HDLBP: variants seen among roughly 807,000 people sequenced by gnomAD.
HDLBP encodes the protein vigilin.
In HDLBP, 30 loss-of-function variants were observed where a neutral mutation model predicts 137.3. That is an observed-to-expected ratio of 0.22 (90% CI 0.16 to 0.30). The LOEUF (loss-of-function observed/expected upper bound fraction) is 0.30. Among genes scored for constraint, HDLBP ranks in the 10% least tolerant of loss-of-function variants. The pLI is 1.00. For missense variants in HDLBP, 1,119 were observed against 1,667.3 expected, an observed-to-expected ratio of 0.67 and a Z score of 5.73; for synonymous variants, 606 against 596.0, an observed-to-expected ratio of 1.02 and a Z score of -0.24.
At position 241,233,814 on chromosome 2, in the gene HDLBP, T is replaced by G. The variant is rs752889146; in HGVS notation, c.3288+6A>C. The G allele has an allele frequency of 1.6e-5, 26 of 1,613,926 alleles. 1 individual carries two copies. The South Asian group carries it at 2.1e-4, about 13-fold the overall frequency. On this transcript the variant is annotated splice_donor_region_variant and intron_variant, in intron 24 of 27. Coordinates refer to ENST00000310931, the MANE Select transcript of HDLBP (RefSeq NM_005336.6). The surrounding 1 kb of genome is among the most constrained non-coding windows in gnomAD (Gnocchi z 4.3). ...GCCCCCGACACGCTCCAACCGAGGC[T>G]CTCACCTGGTTCCCATCGTCCTTAT...
chr2:241,236,560 G>A (rs907554775), intron 21 of HDLBP, 55 bp downstream of exon 21: 1 of 1,585,878 alleles, frequency 6.3e-7, no homozygotes, highest in South Asian at 1.1e-5. Flanking sequence ...CGTCTCCCCA[G>A]GTGCCTGCTG....
At chr2:241,264,001 A>G (rs1239877871) in intron 4 of HDLBP, among the ~76,000 whole-genome samples, 1 of 151,618 alleles carries the variant, frequency 6.6e-6, no homozygotes, top group African/African-American at 2.4e-5. Flanking sequence ...TTGCACATTC[A>G]GAAACTCTTC....
intron 1 of HDLBP, among the ~76,000 whole-genome samples, chr2:241,308,255 C>T (rs937498482): frequency 8.5e-5 from 13 of 152,148 alleles, no homozygotes; most frequent in Admixed American, 7.9e-4. Flanking sequence ...ACAACCAATC[C>T]GTCGTCCACC....
chr2:241,273,716 G>T, intron 1 of HDLBP: 2 of 958,872 alleles, frequency 2.1e-6, no homozygotes, highest in Non-Finnish European at 2.5e-6. Context: ...CCACACAGGG[G>T]AAGAGGTAGG....
intron 27 of HDLBP, 60 bp downstream of exon 27, chr2:241,229,773 C>A: frequency 6.3e-7 from 1 of 1,587,746 alleles, no homozygotes; most frequent in Non-Finnish European, 8.6e-7. Context: ...CTCAGGACAC[C>A]AAGCCCGCCT....
chr2:241,311,099 GCAAGACGCTGTGTCTCAAAAAAAAA>G (rs2075744440), intron 1 of HDLBP, among the ~76,000 whole-genome samples: 1 of 151,738 alleles, frequency 6.6e-6, no homozygotes, highest in South Asian at 2.1e-4. Flanking sequence ...GAGCAACAGA[GCAAGACGCTGTGTCTCAAAAAAAAA>G]CAAAAGAAAG....
intron 23 of HDLBP, among the ~76,000 whole-genome samples, chr2:241,234,585 G>A (rs2070178464): frequency 6.6e-6 from 1 of 152,200 alleles, no homozygotes; most frequent in Admixed American, 6.5e-5. Context: ...CAGAACCCCT[G>A]CTCCTGTCTG....
At chr2:241,278,676 G>GA (rs1575010139) in intron 1 of HDLBP, among the ~76,000 whole-genome samples, 1 of 151,950 alleles carries the variant, frequency 6.6e-6, no homozygotes, top group African/African-American at 2.4e-5. Flanking sequence ...GGCAAGAAAA[G>GA]AAAGTTACCA....
intron 16 of HDLBP, among the ~76,000 whole-genome samples, chr2:241,245,861 C>A (rs1299355018): frequency 6.6e-6 from 1 of 152,058 alleles, no homozygotes; most frequent in Non-Finnish European, 1.5e-5. Context: ...AAGCATACTA[C>A]CAGGGAAAAG....
chr2:241,299,152 C>T (rs534841565), intron 1 of HDLBP, among the ~76,000 whole-genome samples: 1 of 152,186 alleles, frequency 6.6e-6, no homozygotes, highest in African/African-American at 2.4e-5. Flanking sequence ...GGTACCCGTA[C>T]CTCCTCTGTA....
Position 241,235,124 on chromosome 2 carries a change from G to A in HDLBP, c.3141C>T (p.Asp1047=), listed in dbSNP as rs767701270. The A allele has an allele frequency of 1.2e-6, 2 of 1,612,798 alleles. No individual in the cohort carries two copies. Among genetic ancestry groups the A allele is most frequent in the Admixed American group, 1.7e-5 (1 of 60,012 alleles). ...RVKELQAEQE[D]RALRSFKLSV... is the part of the protein sequence containing the mutation. ...GCCCCGGCCACCTCCTGCTCACCCG[G>A]TCCTCCTGCTCGGCCTGTAGCTCCT... is the stretch of plus-strand genomic sequence containing the variant. Residue 1047 remains aspartate (D), a synonymous_variant, in exon 23 of 28, where the codon GAC becomes GAT. Coordinates refer to ENST00000310931, the MANE Select transcript of HDLBP (RefSeq NM_005336.6).
intron 1 of HDLBP, among the ~76,000 whole-genome samples, chr2:241,301,185 C>T (rs1217891459): frequency 6.7e-6 from 1 of 149,274 alleles, no homozygotes; most frequent in African/African-American, 2.5e-5. Flanking sequence ...GACGGGGCTT[C>T]ATCGTGTTAG....
intron 1 of HDLBP, among the ~76,000 whole-genome samples, chr2:241,284,632 G>A (rs1199329335): frequency 6.6e-6 from 1 of 152,218 alleles, no homozygotes; most frequent in Non-Finnish European, 1.5e-5. Flanking sequence ...TCTGAAAGTA[G>A]TTCTATTGTG....
intron 1 of HDLBP, among the ~76,000 whole-genome samples, chr2:241,283,766 G>A (rs952927341): frequency 2.0e-5 from 3 of 152,130 alleles, no homozygotes; most frequent in South Asian, 2.1e-4. Context: ...GAGCTACTGC[G>A]CCCAGCCAAT....
At position 241,229,311 on chromosome 2, in the gene HDLBP, G is replaced by A. The variant is rs559417833; in HGVS notation, c.*290C>T. 1.9e-4 allele frequency: 67 copies of A among 352,726 alleles called. No homozygotes were observed. The highest frequency in any genetic ancestry group is 1.6e-3 in the South Asian group (60 of 37,868). 21.8% of individuals were successfully genotyped at this position (352,726 alleles called of 1,614,324 possible). On this transcript the variant is annotated 3_prime_UTR_variant, in exon 28 of 28. Transcript: ENST00000310931. ...CGGAGCTCTCGTGATGAAGGCCAGA[G>A]TGCTGACTGACATGCCGGGTGGACC...
chr2:241,272,177 G>A lies in HDLBP; in HGVS notation c.-102-3636C>T, dbSNP rs1024173088. The A allele has an allele frequency of 2.0e-6, 2 of 985,072 alleles. No individual in the cohort carries two copies. The highest frequency in any genetic ancestry group is 6.2e-5 in the Admixed American group (1 of 16,260). The allele number at this position is 985,072 out of a possible 1,614,324, so 61.0% of individuals were successfully genotyped here. A position where few individuals can be genotyped will look rare whatever the true frequency, so the allele number is the denominator to read the frequency against. ...CACCCCCGAACACGTAGACTGACGC[G>A]GGCCCCGCGCGGCAGGTGGAGGTGC... On this transcript the variant is annotated intron_variant, in intron 1 of 27. Transcript: ENST00000310931. This position sits in a 1 kb window ranked among gnomAD's most constrained non-coding sequence, Gnocchi z 5.6.
chr2:241,300,320 G>C (rs1271504094), intron 1 of HDLBP, among the ~76,000 whole-genome samples: 2 of 152,096 alleles, frequency 1.3e-5, no homozygotes, highest in Non-Finnish European at 2.9e-5. Context: ...ACGAACAAGA[G>C]GCAAAACTCA....
At chr2:241,245,712 G>C (rs1002989635) in intron 16 of HDLBP, among the ~76,000 whole-genome samples, 5 of 152,140 alleles carry the variant, frequency 3.3e-5, no homozygotes, top group African/African-American at 1.2e-4. Context: ...TAAGGTGGGA[G>C]GACTGCTTGA....
In HDLBP at chr2:241,239,675, T is replaced by G. The variant is rs904896800; in HGVS notation, c.2537A>C (p.Lys846Thr). The G allele has an allele frequency of 6.2e-7, 1 of 1,614,198 alleles. No homozygotes were observed. Among genetic ancestry groups the G allele is most frequent in the Admixed American group, 1.7e-5 (1 of 60,028 alleles). ...GTCCTTGGCGCCCTTGAGGGTGACT[T>G]TGTCGCTCTGTGTGCCAGAGCGTGG... is the stretch of plus-strand genomic sequence containing the variant. ...SFPRSGTQSD[K>T]VTLKGAKDCV... The change falls in exon 19 of 28, where the codon AAA (lysine) becomes ACA (threonine). Residue 846 changes from lysine to threonine, a missense_variant. Coordinates refer to ENST00000310931, the MANE Select transcript of HDLBP (RefSeq NM_005336.6). This position sits in a 1 kb window ranked among gnomAD's most constrained non-coding sequence, Gnocchi z 4.6.
Sources: gnomAD v4.1 joint callset for allele counts (sites outside exome capture counted in the v4.1 genomes callset) on GRCh38, gnomAD v4.1.1 for gene constraint, Gnocchi (gnomAD v3.1) non-coding constraint, MANE v1.5 for transcripts, NCBI Gene and HGNC (gene_info 2026-07-23, HGNC 2026-07-21) for gene names.